The following ZNF280D variants were observed in gnomAD, a reference collection of about 807,000 sequenced individuals.
The protein encoded by ZNF280D is zinc finger protein 280D.
In ZNF280D, 39 loss-of-function variants were observed where a neutral mutation model predicts 94.7. That is an observed-to-expected ratio of 0.41 (90% confidence interval 0.32 to 0.54). The LOEUF (loss-of-function observed/expected upper bound fraction) is 0.54, where lower values mean the gene tolerates loss of function less well. Ranked by LOEUF, ZNF280D falls within the 20% of genes least tolerant of loss-of-function variation. The probability of loss-of-function intolerance (pLI) is 0.22; values close to 1 mark genes in which losing one functional copy is unlikely to be tolerated. For missense variants in ZNF280D, 1,090 were observed against 1,149.3 expected (o/e 0.95, Z 0.75); for synonymous variants, 398 against 377.6 (o/e 1.05, Z -0.63).
rs376358951 is a variant in ZNF280D, at chr15:56,716,939, T to C, written c.-85-9633A>G. 3.2e-4 allele frequency among the ~76,000 whole-genome samples: 49 copies of C among 152,294 alleles called. No individual in the cohort carries two copies. The South Asian group carries it at 7.9e-3, about 24-fold the overall frequency. ...ATTCCTGGGCTTCACTTCCTCTGTA[T>C]TGATTCTATCCTCATAAAGGATCTC... On this transcript the variant is annotated intron_variant, in intron 1 of 21. Coordinates refer to ENST00000267807, the MANE Select transcript of ZNF280D (RefSeq NM_017661.4).
rs193266968 is a variant in ZNF280D at position 56,662,747 on chromosome 15, C to T, written c.1994+3648G>A. On this transcript the variant is annotated intron_variant, in intron 16 of 21. Transcript: ENST00000267807. The stretch of plus-strand genomic sequence containing the variant: ...GCTGAGGCAGGAGAATTGCGTGAAC[C>T]TGGGAGGTGGAGGTTGCAGTGAGCC... Among the ~76,000 whole-genome samples, 794 of 150,106 alleles carry T rather than the reference C, an allele frequency of 5.3e-3. 26 individuals carry two copies. In the East Asian group the frequency reaches 0.096, roughly 18 times the overall value.
At chr15:56,718,954 T>C (rs1325298564) in intron 1 of ZNF280D, among the ~76,000 whole-genome samples, 1 of 152,216 alleles carries the variant, frequency 6.6e-6, no homozygotes, top group Non-Finnish European at 1.5e-5. Context: ...AATAGTCCTG[T>C]GTACTCACCT....
At chr15:56,731,269 G>A (rs1303674098) in intron 1 of ZNF280D, among the ~76,000 whole-genome samples, 3 of 152,038 alleles carry the variant, frequency 2.0e-5, no homozygotes, top group East Asian at 3.9e-4. Context: ...TTGGGAGGCC[G>A]AGGCAGGTGG....
chr15:56,691,735 C>T (rs1323046440), intron 7 of ZNF280D, among the ~76,000 whole-genome samples: 1 of 152,126 alleles, frequency 6.6e-6, no homozygotes, highest in Non-Finnish European at 1.5e-5. Flanking sequence ...TCATAATTAT[C>T]ATTCAGAATA....
intron 12 of ZNF280D, 92 bp from the exon 13 acceptor site, chr15:56,676,908 C>A: frequency 1.0e-6 from 1 of 981,014 alleles, no homozygotes; most frequent in Admixed American, 2.2e-5. Context: ...GTCAGGAGAA[C>A]ATTATGTACT....
chr15:56,706,167 A>C (rs1228323189), intron 3 of ZNF280D, among the ~76,000 whole-genome samples: 2 of 138,854 alleles, frequency 1.4e-5, no homozygotes, highest in Non-Finnish European at 1.5e-5. Flanking sequence ...AAAGGAGATC[A>C]CAGGAAGATG....
chr15:56,717,858 A>G (rs1473061348), intron 1 of ZNF280D, among the ~76,000 whole-genome samples: 2 of 152,172 alleles, frequency 1.3e-5, no homozygotes, highest in East Asian at 3.8e-4. Context: ...TATTTGGAAT[A>G]CCAAATTACA....
At chr15:56,656,046 T>TACAAGAAC (rs2053530749) in intron 17 of ZNF280D, among the ~76,000 whole-genome samples, 1 of 152,194 alleles carries the variant, frequency 6.6e-6, no homozygotes, top group Admixed American at 6.5e-5. Flanking sequence ...TCCAGATCAC[T>TACAAGAAC]ACAAGAACTG....
At chr15:56,710,056 A>G (rs1343942493) in intron 1 of ZNF280D, among the ~76,000 whole-genome samples, 2 of 152,248 alleles carry the variant, frequency 1.3e-5, no homozygotes, top group East Asian at 3.8e-4. Flanking sequence ...TACATCCAAC[A>G]AAGATGTTCA....
intron 9 of ZNF280D, among the ~76,000 whole-genome samples, chr15:56,684,467 A>G (rs1188142208): frequency 3.9e-5 from 6 of 152,218 alleles, no homozygotes; most frequent in African/African-American, 1.4e-4. Context: ...AAAGCAAGAA[A>G]AGATGCCAAG....
At chr15:56,675,618 G>A (rs1375609636) in intron 13 of ZNF280D, among the ~76,000 whole-genome samples, 1 of 151,908 alleles carries the variant, frequency 6.6e-6, no homozygotes, top group Non-Finnish European at 1.5e-5. Context: ...AATAGATCTT[G>A]CCAGAAACTC....
intron 9 of ZNF280D, among the ~76,000 whole-genome samples, chr15:56,687,759 T>A (rs2056125343): frequency 6.6e-6 from 1 of 152,174 alleles, no homozygotes; most frequent in African/African-American, 2.4e-5. Flanking sequence ...TTCTACAGGA[T>A]AATTCTCCTA....
At chr15:56,642,107 G>C (rs1430606293) in intron 20 of ZNF280D, among the ~76,000 whole-genome samples, 3 of 151,346 alleles carry the variant, frequency 2.0e-5, no homozygotes, top group Admixed American at 6.6e-5. Flanking sequence ...CAACATATTA[G>C]GTAAAATGAA....
intron 13 of ZNF280D, among the ~76,000 whole-genome samples, chr15:56,676,246 A>C (rs191240829): frequency 2.6e-5 from 4 of 152,210 alleles, no homozygotes; most frequent in Admixed American, 6.5e-5. Flanking sequence ...AGTTGAAATA[A>C]AGTTTGAAGA....
chr15:56,644,290 T>C (rs1165302164), intron 19 of ZNF280D, among the ~76,000 whole-genome samples: 1 of 152,052 alleles, frequency 6.6e-6, no homozygotes, highest in Non-Finnish European at 1.5e-5. Flanking sequence ...AAGTATTTAA[T>C]TGTGCACAAT....
intron 1 of ZNF280D, among the ~76,000 whole-genome samples, chr15:56,725,716 A>C (rs1414713894): frequency 1.3e-5 from 2 of 152,328 alleles, no homozygotes; most frequent in Non-Finnish European, 2.9e-5. Flanking sequence ...TTTAAAAAAG[A>C]AAGCTAAATT....
chr15:56,654,201 G>C lies in ZNF280D; in HGVS notation c.2210C>G (p.Ser737Cys), dbSNP rs2053385104. The change falls in exon 19 of 22, where the codon TCT becomes TGT. Residue 737 changes from serine to cysteine, a missense_variant. By Grantham distance (112) the Ser-to-Cys change is moderately radical. Transcript: ENST00000267807. ...ACTGAATAAAAATTAAACTTACTCA[G>C]AAAGGTGCTCAGAAGTTGGGATACA... ...SVCIPTSEHL[S>C]ELKKEAPAKE... 1 of 1,608,762 alleles carries C rather than the reference G, an allele frequency of 6.2e-7. No individual in the cohort carries two copies. The highest frequency in any genetic ancestry group is 1.3e-5 in the African/African-American group (1 of 74,610).
chr15:56,651,017 A>G (rs1462345089), intron 19 of ZNF280D, among the ~76,000 whole-genome samples: 2 of 151,848 alleles, frequency 1.3e-5, no homozygotes, highest in Non-Finnish European at 2.9e-5. Flanking sequence ...CTAACATATT[A>G]TATGTTTTAT....
intron 16 of ZNF280D, among the ~76,000 whole-genome samples, chr15:56,659,911 A>T (rs544065594): frequency 5.4e-4 from 81 of 150,966 alleles, no homozygotes; most frequent in African/African-American, 1.9e-3. Flanking sequence ...AAGGAAAAAA[A>T]AAATATATAT....
Sources: gnomAD v4.1 joint callset for allele counts (sites outside exome capture counted in the v4.1 genomes callset) on GRCh38, gnomAD v4.1.1 for gene constraint, MANE v1.5 for transcripts, NCBI Gene and HGNC (gene_info 2026-07-23, HGNC 2026-07-21) for gene names.